B4GALNT3: variants seen among roughly 807,000 people sequenced by gnomAD.
The protein encoded by B4GALNT3 is beta-1,4-N-acetyl-galactosaminyltransferase 3, also known as beta-1,4-N-acetylgalactosaminyltransferase 3.
A neutral mutation model predicts 120.2 loss-of-function variants in B4GALNT3; 86 were observed. The observed-to-expected ratio is 0.72, with a 90% CI of 0.60 to 0.86. The LOEUF (loss-of-function observed/expected upper bound fraction) is 0.86, where lower values mean the gene tolerates loss of function less well. Ranked by LOEUF, B4GALNT3 falls within the 40% of genes least tolerant of loss-of-function variation. B4GALNT3 has a pLI of 0.00. For synonymous variants in B4GALNT3, 518 were observed against 510.4 expected, an observed-to-expected ratio of 1.01 and a Z score of -0.20; for missense variants, 1,167 against 1,298.9, an observed-to-expected ratio of 0.90 and a Z score of 1.56.
intron 17 of B4GALNT3, among the ~76,000 whole-genome samples, chr12:558,300 TAA>T (rs1352368406): frequency 6.6e-6 from 1 of 152,098 alleles, no homozygotes; most frequent in Non-Finnish European, 1.5e-5. Context: ...TTGGAGCCTA[TAA>T]AGAGTGGGGA....
chr12:511,013 C>CT lies in B4GALNT3; in HGVS notation c.170-24111dup, dbSNP rs762032000. ...TTTGGTCTCTATGGATTTGCCTATT[C>CT]TTTTTTTTTTTTTTTTTTTTTTTTT... On this transcript the variant is annotated intron_variant, in intron 1 of 19. Transcript: ENST00000266383. Among the ~76,000 whole-genome samples the CT allele has an allele frequency of 7.5e-4, 33 of 43,906 alleles. 4 individuals carry two copies. Among genetic ancestry groups the CT allele is most frequent in the Non-Finnish European group, 9.2e-4 (20 of 21,834 alleles). 28.8% of individuals were successfully genotyped at this position (43,906 alleles called of 152,430 possible). A position where few individuals can be genotyped will look rare whatever the true frequency, so the allele number is the denominator to read the frequency against.
intron 6 of B4GALNT3, among the ~76,000 whole-genome samples, chr12:546,193 A>C (rs1947004419): frequency 1.2e-5 from 1 of 80,684 alleles, no homozygotes; most frequent in Non-Finnish European, 2.4e-5. Flanking sequence ...AGAAGTGGGC[A>C]GGGGGTGTGA....
chr12:538,700 G>C (rs1379250729), intron 3 of B4GALNT3, among the ~76,000 whole-genome samples: 2 of 152,076 alleles, frequency 1.3e-5, no homozygotes, highest in African/African-American at 4.8e-5. Flanking sequence ...GGATGTTCAG[G>C]GGTTCACTGA....
At chr12:465,288 A>G (rs1380223530) in intron 1 of B4GALNT3, among the ~76,000 whole-genome samples, 1 of 152,124 alleles carries the variant, frequency 6.6e-6, no homozygotes, top group Non-Finnish European at 1.5e-5. Context: ...CTTCTAATCA[A>G]CTTTCAATTC....
rs529783419 is a variant in B4GALNT3, at chr12:464,457, C to T, written c.169+3912C>T. ...CCAGCCTGGCCAACATGGCAAAACC[C>T]CATCTCTACTAAAAAAGATTAAAAA... On this transcript the variant is annotated intron_variant, in intron 1 of 19. Transcript: ENST00000266383. Among the ~76,000 whole-genome samples the T allele has an allele frequency of 1.5e-4, 23 of 151,908 alleles. No individual in the cohort carries two copies. The South Asian group carries it at 2.1e-3, about 14-fold the overall frequency.
chr12:528,064 T>G, intron 1 of B4GALNT3, among the ~76,000 whole-genome samples: 1 of 151,970 alleles, frequency 6.6e-6, no homozygotes. Context: ...AGACACAAAT[T>G]CTCAAGCACG....
chr12:557,532 G>A, intron 15 of B4GALNT3, 76 bp from the exon 16 acceptor site: 3 of 1,491,336 alleles, frequency 2.0e-6, no homozygotes, highest in South Asian at 2.5e-5. Flanking sequence ...TCACCTGGGA[G>A]CTGGGGGTGG....
chr12:509,624 G>C (rs34019521), intron 1 of B4GALNT3, among the ~76,000 whole-genome samples: 31,060 of 152,154 alleles, frequency 0.2, 3,725 homozygotes, highest in South Asian at 0.31. Flanking sequence ...CCTGGGTAGG[G>C]GGGTGGCAAG....
chr12:553,978 C>A lies in B4GALNT3; in HGVS notation c.2055C>A (p.Ser685Arg), dbSNP rs752273225. Residue 685 changes from serine to arginine, a missense_variant, in exon 14 of 20, where the codon AGC (serine) becomes AGA (arginine). By Grantham distance (110) the Ser-to-Arg change is moderately radical. Coordinates refer to ENST00000266383, the MANE Select transcript of B4GALNT3 (RefSeq NM_173593.4). ...TCTTGAAGAAGCTCAACCAGAGGAG[C>A]CGGGGGTAAGGTAAAGGGCTCTCCT... is the stretch of plus-strand genomic sequence containing the variant. ...RVFLKKLNQR[S>R]RGRYQLQRIV... 6.2e-7 allele frequency: 1 copy of A among 1,610,266 alleles called. No individual in the cohort carries two copies. Among genetic ancestry groups the A allele is most frequent in the Non-Finnish European group, 8.5e-7 (1 of 1,178,168 alleles).
At chr12:524,653 AAG>A (rs1463150928) in intron 1 of B4GALNT3, among the ~76,000 whole-genome samples, 153 of 111,632 alleles carry the variant, frequency 1.4e-3, no homozygotes, top group African/African-American at 3.9e-3. Flanking sequence ...AAAAAAAAAA[AAG>A]AAAAAAGAAA....
At chr12:529,335 C>T (rs371122729) in intron 1 of B4GALNT3, among the ~76,000 whole-genome samples, 7 of 152,166 alleles carry the variant, frequency 4.6e-5, no homozygotes, top group African/African-American at 9.7e-5. Context: ...TGGTTGGGGT[C>T]GGGGTTAACC....
intron 3 of B4GALNT3, among the ~76,000 whole-genome samples, chr12:538,658 A>G (rs1946885633): frequency 1.3e-5 from 2 of 152,170 alleles, no homozygotes; most frequent in Admixed American, 1.3e-4. Flanking sequence ...AATACTAAAA[A>G]TAGCTTACAA....
chr12:472,673 A>G (rs1013305969), intron 1 of B4GALNT3, among the ~76,000 whole-genome samples: 64 of 152,314 alleles, frequency 4.2e-4, no homozygotes, highest in African/African-American at 1.5e-3. Context: ...TCCTGACCTC[A>G]TGATCCGCTG....
chr12:469,413 AG>A (rs1339964791), intron 1 of B4GALNT3, among the ~76,000 whole-genome samples: 1 of 152,192 alleles, frequency 6.6e-6, no homozygotes, highest in Non-Finnish European at 1.5e-5. Flanking sequence ...GCTGGGCAGG[AG>A]GGGACAAATA....
chr12:544,778 G>C (rs1036044021), intron 4 of B4GALNT3, 104 bp from the exon 5 acceptor site: 4 of 1,129,282 alleles, frequency 3.5e-6, no homozygotes, highest in Non-Finnish European at 5.2e-6. Context: ...CCACAGCCCT[G>C]GTCCCTCCTG....
At chr12:498,742 A>T (rs1389350856) in intron 1 of B4GALNT3, among the ~76,000 whole-genome samples, 1 of 152,212 alleles carries the variant, frequency 6.6e-6, no homozygotes, top group African/African-American at 2.4e-5. Flanking sequence ...AGCGTTTATA[A>T]CTTTGTCTTT....
chr12:555,791 A>ATT (rs34470902), intron 14 of B4GALNT3, among the ~76,000 whole-genome samples: 41 of 147,836 alleles, frequency 2.8e-4, no homozygotes, highest in East Asian at 7.9e-4. Flanking sequence ...ATTTTTATTT[A>ATT]TTTTTTTTTT....
intron 1 of B4GALNT3, among the ~76,000 whole-genome samples, chr12:508,176 G>C (rs1946515979): frequency 6.6e-6 from 1 of 152,214 alleles, no homozygotes; most frequent in African/African-American, 2.4e-5. Flanking sequence ...GTCCCTAGGG[G>C]GACATCCAAT....
At chr12:514,788 G>T (rs1946636681) in intron 1 of B4GALNT3, among the ~76,000 whole-genome samples, 1 of 151,926 alleles carries the variant, frequency 6.6e-6, no homozygotes, top group African/African-American at 2.4e-5. Flanking sequence ...CAGCACTTTG[G>T]AAGGCCAAGG....
Sources: allele counts gnomAD v4.1 joint callset (sites outside exome capture counted in the v4.1 genomes callset), GRCh38; gene constraint gnomAD v4.1.1; transcripts MANE v1.5; gene names NCBI Gene and HGNC (gene_info 2026-07-23, HGNC 2026-07-21).